The following RALYL variants were observed in gnomAD, a reference collection of about 807,000 sequenced individuals.
RALYL encodes the protein RALY RNA binding protein like, also known as RNA-binding Raly-like protein.
In RALYL, 29 loss-of-function variants were observed where a neutral mutation model predicts 35.1. The observed-to-expected ratio is 0.83, with a 90% CI of 0.61 to 1.13. RALYL has a LOEUF of 1.13. Among genes scored for constraint, RALYL ranks in the 50% most tolerant of loss-of-function variants. The probability of loss-of-function intolerance (pLI) is 0.00; values close to 1 mark genes in which losing one functional copy is unlikely to be tolerated. For missense variants in RALYL, 359 were observed against 360.4 expected (o/e 1.00, Z 0.03); for synonymous variants, 120 against 127.6 (o/e 0.94, Z 0.40).
chr8:84,360,793 A>T (rs1852831130), intron 1 of RALYL, among the ~76,000 whole-genome samples: 1 of 152,102 alleles, frequency 6.6e-6, no homozygotes, highest in Non-Finnish European at 1.5e-5. Flanking sequence ...AATTAGATTC[A>T]TTGTCATGGT....
chr8:84,702,539 TC>T (rs1840386295), intron 2 of RALYL, among the ~76,000 whole-genome samples: 1 of 136,462 alleles, frequency 7.3e-6, no homozygotes, highest in African/African-American at 3.1e-5. Flanking sequence ...TCTCTCTCTC[TC>T]ACACACACAC....
intron 1 of RALYL, among the ~76,000 whole-genome samples, chr8:84,460,686 G>A (rs2050666943): frequency 6.6e-6 from 1 of 151,660 alleles, no homozygotes; most frequent in African/African-American, 2.4e-5. Context: ...AGTTGCTGAT[G>A]AGAAGTTGGA....
At chr8:84,653,981 C>T (rs920180189) in intron 2 of RALYL, among the ~76,000 whole-genome samples, 1 of 150,860 alleles carries the variant, frequency 6.6e-6, no homozygotes, top group Non-Finnish European at 1.5e-5. Flanking sequence ...GAAAGGTAAG[C>T]CCATTGAGAA....
intron 1 of RALYL, among the ~76,000 whole-genome samples, chr8:84,237,394 C>A (rs1210422650): frequency 6.6e-6 from 1 of 152,054 alleles, no homozygotes; most frequent in Admixed American, 6.5e-5. Context: ...TATGCACTGC[C>A]TCAGCGGGAG....
intron 1 of RALYL, among the ~76,000 whole-genome samples, chr8:84,331,109 G>A (rs771562923): frequency 6.6e-6 from 1 of 152,056 alleles, no homozygotes; most frequent in Non-Finnish European, 1.5e-5. Context: ...TATTGGAAAT[G>A]TATATAAGAC....
At chr8:84,539,011 T>G (rs938684762) in intron 2 of RALYL, among the ~76,000 whole-genome samples, 1 of 152,224 alleles carries the variant, frequency 6.6e-6, no homozygotes, top group Non-Finnish European at 1.5e-5. Context: ...AGAAAATCTT[T>G]ATAGGCTGCA....
chr8:84,264,524 A>T (rs763596955), intron 1 of RALYL, among the ~76,000 whole-genome samples: 3 of 148,728 alleles, frequency 2.0e-5, no homozygotes, highest in Non-Finnish European at 3.0e-5. Flanking sequence ...TTGCATAAAT[A>T]GATTTCAAAG....
intron 2 of RALYL, among the ~76,000 whole-genome samples, chr8:84,713,761 T>C (rs549707854): frequency 6.6e-6 from 1 of 151,870 alleles, no homozygotes; most frequent in African/African-American, 2.4e-5. Context: ...AAATTAATTA[T>C]CTCAAAGAGA....
At chr8:84,561,081 T>C (rs2061441257) in intron 2 of RALYL, among the ~76,000 whole-genome samples, 1 of 152,084 alleles carries the variant, frequency 6.6e-6, no homozygotes, top group Non-Finnish European at 1.5e-5. Flanking sequence ...CCAGGCATTA[T>C]GCCAATTAAC....
intron 1 of RALYL, among the ~76,000 whole-genome samples, chr8:84,403,842 T>C (rs2043189626): frequency 6.6e-6 from 1 of 151,916 alleles, no homozygotes; most frequent in Admixed American, 6.6e-5. Flanking sequence ...ATTTGTGTCA[T>C]CTCTTATTTC....
At chr8:84,578,379 G>A (rs566524215) in intron 2 of RALYL, among the ~76,000 whole-genome samples, 2 of 152,284 alleles carry the variant, frequency 1.3e-5, no homozygotes, top group South Asian at 4.1e-4. Context: ...CCTAGGTCTG[G>A]GCTCCCAAAG....
intron 2 of RALYL, among the ~76,000 whole-genome samples, chr8:84,707,761 G>A (rs1841468861): frequency 6.6e-6 from 1 of 151,968 alleles, no homozygotes; most frequent in African/African-American, 2.4e-5. Flanking sequence ...TATATAGAAA[G>A]CTTAGCAATA....
At chr8:84,589,425 AT>A (rs1342013692) in intron 2 of RALYL, among the ~76,000 whole-genome samples, 1 of 152,232 alleles carries the variant, frequency 6.6e-6, no homozygotes, top group Non-Finnish European at 1.5e-5. Flanking sequence ...AGATTACTGT[AT>A]TAATAGATTA....
chr8:84,202,554 A>G (rs1817118924), intron 1 of RALYL, among the ~76,000 whole-genome samples: 1 of 151,830 alleles, frequency 6.6e-6, no homozygotes, highest in South Asian at 2.1e-4. Context: ...TTGTATTTTT[A>G]GTAGAGACGG....
chr8:84,503,252 A>T (rs2056860405), intron 1 of RALYL, among the ~76,000 whole-genome samples: 1 of 151,548 alleles, frequency 6.6e-6, no homozygotes, highest in South Asian at 2.1e-4. Context: ...AGCTCAAGGG[A>T]TTCTTCAGCC....
chr8:84,735,815 A>T (rs867544296), intron 2 of RALYL, among the ~76,000 whole-genome samples: 21,877 of 122,966 alleles, frequency 0.18, 1,812 homozygotes, highest in Non-Finnish European at 0.2. Flanking sequence ...AAACCGCGAG[A>T]GAGAGAGAGA....
At chr8:84,643,010 T>C (rs1406011384) in intron 2 of RALYL, among the ~76,000 whole-genome samples, 2 of 151,926 alleles carry the variant, frequency 1.3e-5, no homozygotes, top group Non-Finnish European at 2.9e-5. Context: ...GGAGTAAGGC[T>C]GTAGGTGGCT....
intron 1 of RALYL, among the ~76,000 whole-genome samples, chr8:84,197,831 C>T (rs1355380809): frequency 6.6e-6 from 1 of 151,102 alleles, no homozygotes; most frequent in African/African-American, 2.4e-5. Context: ...TTTATCAATA[C>T]CTGAAATTTT....
intron 1 of RALYL, among the ~76,000 whole-genome samples, chr8:84,425,155 G>C (rs1563905611): frequency 2.0e-5 from 3 of 152,196 alleles, no homozygotes. Context: ...CAGCCTCGCT[G>C]CTACCTTGCA....
Sources: allele counts gnomAD v4.1 joint callset (sites outside exome capture counted in the v4.1 genomes callset), GRCh38; gene constraint gnomAD v4.1.1; transcripts MANE v1.5; gene names NCBI Gene and HGNC (gene_info 2026-07-23, HGNC 2026-07-21).